BCL2L14: variants seen among roughly 807,000 people sequenced by gnomAD.
BCL2L14 encodes the protein BCL2 like 14.
In BCL2L14, 27 loss-of-function variants were observed where a neutral mutation model predicts 35.3. The observed-to-expected ratio is 0.76, with a 90% confidence interval of 0.56 to 1.05. BCL2L14 has a LOEUF of 1.05. Ranked by LOEUF, BCL2L14 falls within the 50% of genes least tolerant of loss-of-function variation. The probability of loss-of-function intolerance (pLI) is 0.00; values close to 1 mark genes in which losing one functional copy is unlikely to be tolerated. For synonymous variants in BCL2L14, 139 were observed against 145.9 expected (o/e 0.95, Z 0.34); for missense variants, 377 against 382.6 (o/e 0.99, Z 0.12).
At position 12,098,973 on chromosome 12, in the gene BCL2L14, T is replaced by C. The variant is rs1379711672; in HGVS notation, c.969T>C (p.His323=). The C allele has an allele frequency of 1.2e-5, 19 of 1,600,560 alleles. No individual in the cohort carries two copies. In the Admixed American group the frequency reaches 3.0e-4, roughly 25 times the overall value. ...GGWEKILGIS[H]EEVD The stretch of plus-strand genomic sequence containing the variant: ...AGGAAAAAATACTTGGGATATCACA[T>C]GAAGAAGTAGACTGAAATATCAGAT... Residue 323 remains histidine (H), a synonymous_variant, in exon 6 of 6, where the codon CAT becomes CAC. Coordinates refer to ENST00000308721, the MANE Select transcript of BCL2L14 (RefSeq NM_138723.2).
Position 12,092,855 on chromosome 12 carries a change from C to A in BCL2L14, c.679-1809C>A, listed in dbSNP as rs184036336. Among the ~76,000 whole-genome samples, 132 of 152,314 alleles carry A rather than the reference C, an allele frequency of 8.7e-4. 1 individual carries two copies. Among genetic ancestry groups the A allele is most frequent in the Middle Eastern group, 6.8e-3 (2 of 294 alleles). On this transcript the variant is annotated intron_variant, in intron 4 of 5. Transcript: ENST00000308721. The stretch of plus-strand genomic sequence containing the variant: ...AATCTCCCAATCGCATCTGACTCAT[C>A]CCCCAGATATCCCTTTTAGAAACAA...
chr12:12,056,456 G>A (rs1948434117), intron 2 of BCL2L14, among the ~76,000 whole-genome samples: 1 of 152,196 alleles, frequency 6.6e-6, no homozygotes. Context: ...CTCCAAGACT[G>A]TGCCTGAGGA....
At chr12:12,072,307 A>G (rs1948684210) in intron 1 of BCL2L14, 1 of 152,250 alleles carries the variant, frequency 6.6e-6, no homozygotes, top group Non-Finnish European at 1.5e-5. Flanking sequence ...TGCGTCTGCC[A>G]ATACCTGGAA....
rs117378438 is a variant in BCL2L14, at chr12:12,091,403, G to A, written c.678+554G>A. 4.1e-3 allele frequency among the ~76,000 whole-genome samples: 624 copies of A among 152,282 alleles called. 3 individuals carry two copies. The highest frequency in any genetic ancestry group is 5.8e-3 in the Non-Finnish European group (393 of 68,036). ...GAGACCCATCTTTCCAATCAGGAAC[G>A]GGTGAGAGTTGCCTTCAGGTAAACA... On this transcript the variant is annotated intron_variant, in intron 4 of 5. Coordinates refer to ENST00000308721, the MANE Select transcript of BCL2L14 (RefSeq NM_138723.2).
At chr12:12,067,242 A>C (rs1347864874), upstream of BCL2L14, among the ~76,000 whole-genome samples, 1 of 152,104 alleles carries the variant, frequency 6.6e-6, no homozygotes, top group Non-Finnish European at 1.5e-5. Context: ...TTTTATTTAC[A>C]AAATAAGTTT....
At chr12:12,091,214 A>T (rs1013923089) in intron 4 of BCL2L14, among the ~76,000 whole-genome samples, 1 of 152,224 alleles carries the variant, frequency 6.6e-6, no homozygotes, top group African/African-American at 2.4e-5. Context: ...TGCAGCCTGG[A>T]TATCTGTGTC....
chr12:12,058,345 G>T (rs984301747), intron 2 of BCL2L14, among the ~76,000 whole-genome samples: 2 of 151,218 alleles, frequency 1.3e-5, no homozygotes, highest in Non-Finnish European at 2.9e-5. Flanking sequence ...CCGCTTCCCG[G>T]GTTCAAGCGA....
chr12:12,056,193 A>G (rs10845461), intron 2 of BCL2L14, among the ~76,000 whole-genome samples: 16,306 of 136,126 alleles, frequency 0.12, 1,065 homozygotes, highest in African/African-American at 0.18. Flanking sequence ...CCCTGACCAC[A>G]AGACCCTATT....
intron 3 of BCL2L14, among the ~76,000 whole-genome samples, chr12:12,088,854 G>A (rs1396303714): frequency 6.6e-6 from 1 of 151,704 alleles, no homozygotes; most frequent in Admixed American, 6.6e-5. Context: ...GTGAAGAGCT[G>A]GAGGAGAGGA....
chr12:12,085,834 T>G (rs1046018306), intron 2 of BCL2L14, among the ~76,000 whole-genome samples: 5 of 152,144 alleles, frequency 3.3e-5, no homozygotes, highest in African/African-American at 1.2e-4. Flanking sequence ...CTCTCTTACC[T>G]CCAGTGCTGT....
At position 12,055,630 on chromosome 12, in the gene BCL2L14, T is replaced by C. The variant is rs1948420123; in HGVS notation, c.-272+3783T>C. 4 of 152,296 alleles carry C rather than the reference T, an allele frequency of 2.6e-5. No individual in the cohort carries two copies. The South Asian group carries it at 8.3e-4, about 32-fold the overall frequency. 9.4% of individuals were successfully genotyped at this position (152,296 alleles called of 1,614,324 possible). ...AAAACACACCTGTGCACTCTCCTCA[T>C]AGGCAGAACGCTTTCACTTCTCAGT... On this transcript the variant is annotated intron_variant, in intron 2 of 3. Transcript: ENST00000461264.
At chr12:12,074,322 C>T (rs1402672169) in intron 1 of BCL2L14, among the ~76,000 whole-genome samples, 3 of 152,298 alleles carry the variant, frequency 2.0e-5, no homozygotes, top group South Asian at 2.1e-4. Context: ...GAGCATCAAG[C>T]GCTACTCTAG....
chr12:12,087,708 C>A (rs1256460506), intron 3 of BCL2L14, among the ~76,000 whole-genome samples: 1 of 152,204 alleles, frequency 6.6e-6, no homozygotes, highest in African/African-American at 2.4e-5. Context: ...ATCATGTTAC[C>A]AGTGACCCTG....
chr12:12,066,009 T>C (rs1948589600), upstream of BCL2L14, among the ~76,000 whole-genome samples: 1 of 152,156 alleles, frequency 6.6e-6, no homozygotes, highest in Non-Finnish European at 1.5e-5. Flanking sequence ...CAGGCTGGTC[T>C]TGAACTCCTG....
At chr12:12,087,909 T>C (rs938083864) in intron 3 of BCL2L14, among the ~76,000 whole-genome samples, 2 of 152,006 alleles carry the variant, frequency 1.3e-5, no homozygotes, top group Non-Finnish European at 2.9e-5. Flanking sequence ...AGACTGTAGA[T>C]CCCATCAGGC....
chr12:12,083,244 G>T (rs1193316796), intron 2 of BCL2L14, among the ~76,000 whole-genome samples: 1 of 152,236 alleles, frequency 6.6e-6, no homozygotes, highest in East Asian at 1.9e-4. Context: ...GATTACAGGC[G>T]TGAGCCACCG....
intron 4 of BCL2L14, among the ~76,000 whole-genome samples, chr12:12,093,169 A>G (rs1047732856): frequency 1.3e-5 from 2 of 152,208 alleles, no homozygotes; most frequent in Non-Finnish European, 2.9e-5. Context: ...GGGAGGTAAA[A>G]TCAATAGGGT....
upstream of BCL2L14, chr12:12,070,899 G>A (rs1317648088): frequency 3.3e-5 from 5 of 152,088 alleles, no homozygotes; most frequent in African/African-American, 1.2e-4. Flanking sequence ...AAAAAGCCAG[G>A]GGCAGGGCGT....
upstream of BCL2L14, chr12:12,068,201 T>C (rs1948616666): frequency 2.5e-6 from 1 of 398,538 alleles, no homozygotes; most frequent in Non-Finnish European, 4.4e-6. Context: ...TGCCTCAGCC[T>C]CCCAAAGCGC....
Sources: allele counts gnomAD v4.1 joint callset (sites outside exome capture counted in the v4.1 genomes callset), GRCh38; gene constraint gnomAD v4.1.1; transcripts MANE v1.5; gene names NCBI Gene and HGNC (gene_info 2026-07-23, HGNC 2026-07-21).